The following EGFR variants were observed in gnomAD, a reference collection of about 807,000 sequenced individuals.
The protein encoded by EGFR is epidermal growth factor receptor.
EGFR carries 58 observed loss-of-function variants against 143.0 expected under a neutral mutation model. The ratio of observed to expected loss-of-function variants is 0.41; its 90% CI spans 0.33 to 0.50. EGFR has a LOEUF of 0.50. Ranked by LOEUF, EGFR falls within the 20% of genes least tolerant of loss-of-function variation. EGFR has a pLI of 0.39. For synonymous variants in EGFR, 613 were observed against 594.4 expected (o/e 1.03, Z -0.45); for missense variants, 1,307 against 1,579.0 (o/e 0.83, Z 2.92).
At chr7:55,086,426 C>A (rs1790765036) in intron 1 of EGFR, among the ~76,000 whole-genome samples, 1 of 152,238 alleles carries the variant, frequency 6.6e-6, no homozygotes, top group African/African-American at 2.4e-5. Context: ...GAAGCTGTGG[C>A]TTTTCTGTGA....
At chr7:55,200,907 G>A (rs1434529390) in intron 24 of EGFR, 3 of 541,134 alleles carry the variant, frequency 5.5e-6, no homozygotes, top group East Asian at 3.2e-5. Context: ...GTGCACACTC[G>A]ATGAATGCTG....
intron 1 of EGFR, among the ~76,000 whole-genome samples, chr7:55,075,854 C>G (rs1452344546): frequency 2.6e-5 from 4 of 152,094 alleles, no homozygotes; most frequent in Non-Finnish European, 5.9e-5. Context: ...ATTTGCTGAG[C>G]TAAAAAGAGC....
intron 1 of EGFR, among the ~76,000 whole-genome samples, chr7:55,048,691 G>C (rs1788315823): frequency 6.6e-6 from 1 of 152,070 alleles, no homozygotes; most frequent in African/African-American, 2.4e-5. Context: ...TCCCTTCTAG[G>C]GCTGCCAGGA....
chr7:55,155,903 C>A lies in EGFR; in HGVS notation c.963C>A (p.Asp321Glu), dbSNP rs764038041. 1 of 1,614,040 alleles carries A rather than the reference C, an allele frequency of 6.2e-7. No homozygotes were observed. The highest frequency in any genetic ancestry group is 1.7e-5 in the Admixed American group (1 of 60,022). ...CGADSYEMEE[D>E]GVRKCKKCEG... ...CCGACAGCTATGAGATGGAGGAAGACGGCGTCCGCAAGTGTAAGAAGTGCG... is the reference window on the plus strand; with the variant it reads ...CCGACAGCTATGAGATGGAGGAAGAAGGCGTCCGCAAGTGTAAGAAGTGCG... Residue 321 changes from aspartate (D) to glutamate (E), a missense_variant, in exon 8 of 28, where the codon GAC becomes GAA. Coordinates refer to ENST00000275493, the MANE Select transcript of EGFR (RefSeq NM_005228.5).
intron 12 of EGFR, among the ~76,000 whole-genome samples, 188 bp from the exon 13 acceptor site, chr7:55,161,311 T>G (rs1785687085): frequency 6.6e-6 from 1 of 152,240 alleles, no homozygotes; most frequent in African/African-American, 2.4e-5. Context: ...GCACAACTAC[T>G]TTGTCCTTCC....
chr7:55,050,739 C>T (rs1372612627), intron 1 of EGFR, among the ~76,000 whole-genome samples: 2 of 152,202 alleles, frequency 1.3e-5, no homozygotes, highest in Admixed American at 6.5e-5. Flanking sequence ...CCCTCTGCCT[C>T]TGTTCACGCT....
intron 1 of EGFR, among the ~76,000 whole-genome samples, chr7:55,079,899 C>T (rs28701637): frequency 0.17 from 25,531 of 152,186 alleles, 2,348 homozygotes; most frequent in Non-Finnish European, 0.2. Context: ...CTCAATATGA[C>T]GCCTTTGAAA....
chr7:55,140,289 A>G (rs1022049347), intron 1 of EGFR, among the ~76,000 whole-genome samples: 1 of 152,138 alleles, frequency 6.6e-6, no homozygotes, highest in Non-Finnish European at 1.5e-5. Flanking sequence ...GCCTGTTTTC[A>G]TCTCTCTGCA....
At chr7:55,046,543 G>A (rs139628275) in intron 1 of EGFR, among the ~76,000 whole-genome samples, 15 of 151,310 alleles carry the variant, frequency 9.9e-5, no homozygotes, top group East Asian at 3.9e-4. Context: ...AGTGTTTCTC[G>A]GCTCTGTTCC....
In EGFR at chr7:55,127,983, G is replaced by T. The variant is rs192838915; in HGVS notation, c.89-14303G>T. Among the ~76,000 whole-genome samples the T allele has an allele frequency of 6.8e-3, 1,038 of 152,294 alleles. 4 individuals carry two copies. The highest frequency in any genetic ancestry group is 0.011 in the Non-Finnish European group (716 of 68,022). On this transcript the variant is annotated intron_variant, in intron 1 of 27. Transcript: ENST00000275493. ...TCAACATGTTCTGTCAGATTGAATG[G>T]GGCAGCCAGAGAAGCCAGAGTTGGC...
intron 19 of EGFR, among the ~76,000 whole-genome samples, chr7:55,176,643 A>T (rs911014228): frequency 1.3e-5 from 2 of 151,824 alleles, no homozygotes; most frequent in Non-Finnish European, 2.9e-5. Flanking sequence ...AGTCCAGGAG[A>T]TCTAGGCTGC....
chr7:55,095,476 G>A (rs1281951133), intron 1 of EGFR, among the ~76,000 whole-genome samples: 1 of 152,214 alleles, frequency 6.6e-6, no homozygotes, highest in Non-Finnish European at 1.5e-5. Context: ...CTTTGGGAGA[G>A]ACAGTCCTGG....
At chr7:55,070,478 T>G (rs1378652511) in intron 1 of EGFR, among the ~76,000 whole-genome samples, 1 of 152,220 alleles carries the variant, frequency 6.6e-6, no homozygotes, top group Non-Finnish European at 1.5e-5. Flanking sequence ...TTTATCTAAT[T>G]TTTGTTTAGT....
At chr7:55,114,564 G>A (rs1792715787) in intron 1 of EGFR, among the ~76,000 whole-genome samples, 1 of 152,056 alleles carries the variant, frequency 6.6e-6, no homozygotes, top group Non-Finnish European at 1.5e-5. Context: ...TTATATCTAT[G>A]TATACAATAA....
At position 55,155,891 on chromosome 7, in the gene EGFR, G is replaced by A. The variant is rs1185138798; in HGVS notation, c.951G>A (p.Glu317=). Residue 317 remains glutamate (E), a synonymous_variant, in exon 8 of 28, where the codon GAG becomes GAA. Coordinates refer to ENST00000275493, the MANE Select transcript of EGFR (RefSeq NM_005228.5). ...GAGCCTGTGGGGCCGACAGCTATGA[G>A]ATGGAGGAAGACGGCGTCCGCAAGT... The part of the protein sequence containing the change: ...CVRACGADSY[E]MEEDGVRKCK... 1 of 1,614,022 alleles carries A rather than the reference G, an allele frequency of 6.2e-7. No individual in the cohort carries two copies. Among genetic ancestry groups the A allele is most frequent in the Admixed American group, 1.7e-5 (1 of 60,008 alleles).
chr7:55,180,872 G>C (rs1054074318), intron 19 of EGFR: 1 of 278,510 alleles, frequency 3.6e-6, no homozygotes, highest in African/African-American at 2.2e-5. Context: ...CATTACCCAG[G>C]GTGTTCCGGA....
chr7:55,165,371 C>T lies in EGFR; in HGVS notation c.1814C>T (p.Thr605Ile), dbSNP rs1785919602. 1 of 1,614,090 alleles carries T rather than the reference C, an allele frequency of 6.2e-7. No individual in the cohort carries two copies. Among genetic ancestry groups the T allele is most frequent in the South Asian group, 1.1e-5 (1 of 91,090 alleles). Residue 605 changes from threonine (T) to isoleucine (I), a missense_variant, in exon 15 of 28, where the codon ACC becomes ATC. Physicochemically the swap from Thr to Ile is moderately conservative, Grantham distance 89. Around this residue, in one of 7 missense-constraint regions of EGFR, gnomAD observed 250 missense variants for 295.1 expected, o/e 0.85. Coordinates refer to ENST00000275493, the MANE Select transcript of EGFR (RefSeq NM_005228.5). ...CPAGVMGENN[T>I]LVWKYADAGH... ...GCAGGAGTCATGGGAGAAAACAACACCCTGGTCTGGAAGTACGCAGACGCC... is the reference window on the plus strand; with the variant it reads ...GCAGGAGTCATGGGAGAAAACAACATCCTGGTCTGGAAGTACGCAGACGCC...
At chr7:55,041,757 C>T (rs1267655885) in intron 1 of EGFR, among the ~76,000 whole-genome samples, 1 of 152,114 alleles carries the variant, frequency 6.6e-6, no homozygotes, top group African/African-American at 2.4e-5. Flanking sequence ...GTGAATAGGC[C>T]TTATCTGAAA....
At chr7:55,049,936 C>T (rs1363336802) in intron 1 of EGFR, among the ~76,000 whole-genome samples, 2 of 152,168 alleles carry the variant, frequency 1.3e-5, no homozygotes, top group African/African-American at 4.8e-5. Context: ...ACACACATGG[C>T]ATCTGGCATC....
Sources: allele counts gnomAD v4.1 joint callset (sites outside exome capture counted in the v4.1 genomes callset), GRCh38; gene constraint gnomAD v4.1.1; regional missense constraint gnomAD v4.1.1; transcripts MANE v1.5; gene names NCBI Gene and HGNC (gene_info 2026-07-23, HGNC 2026-07-21).